Variants in PCDHA9 observed in about 807,000 individuals in gnomAD.
The protein encoded by PCDHA9 is protocadherin alpha-9.
A neutral mutation model predicts 62.0 loss-of-function variants in PCDHA9; 62 were observed. The ratio of observed to expected loss-of-function variants is 1.00; its 90% CI spans 0.81 to 1.23. The LOEUF (loss-of-function observed/expected upper bound fraction) is 1.23. PCDHA9 is among the 50% of genes most tolerant of loss of function. PCDHA9 has a pLI of 0.00. For missense variants in PCDHA9, 1,205 were observed against 1,249.8 expected (o/e 0.96, Z 0.54); for synonymous variants, 557 against 567.6 (o/e 0.98, Z 0.27).
At chr5:140,933,253 A>G (rs958671776) in intron 1 of PCDHA9, among the ~76,000 whole-genome samples, 2 of 152,008 alleles carry the variant, frequency 1.3e-5, no homozygotes, top group Non-Finnish European at 2.9e-5. Context: ...TATAAACACA[A>G]AAGGTTATTA....
intron 3 of PCDHA9, among the ~76,000 whole-genome samples, chr5:140,996,349 A>G (rs2097722990): frequency 6.6e-6 from 1 of 152,184 alleles, no homozygotes; most frequent in African/African-American, 2.4e-5. Flanking sequence ...AACCCAACCA[A>G]AGTCAGAAGC....
intron 1 of PCDHA9, chr5:140,928,354 A>G: frequency 6.2e-7 from 1 of 1,614,150 alleles, no homozygotes; most frequent in Non-Finnish European, 8.5e-7. Flanking sequence ...GTTGGATGTT[A>G]TCTCTGAAGG....
In PCDHA9 at chr5:141,011,694, G is replaced by A. The variant is rs1473857552; in HGVS notation, c.*1757G>A. 1.3e-5 allele frequency: 2 copies of A among 153,662 alleles called. No individual in the cohort carries two copies. Among genetic ancestry groups the A allele is most frequent in the African/African-American group, 4.8e-5 (2 of 41,412 alleles). The allele number at this position is 153,662 out of a possible 1,614,324, so 9.5% of individuals were successfully genotyped here. On this transcript the variant is annotated 3_prime_UTR_variant, in exon 4 of 4. Coordinates refer to ENST00000532602, the MANE Select transcript of PCDHA9 (RefSeq NM_031857.2). The stretch of plus-strand genomic sequence containing the variant: ...CTGTTTTGTTCTAGTAACAATTTTG[G>A]AATGAATACTGACAATATTCCATGA...
At chr5:140,966,892 C>G (rs782364150) in intron 1 of PCDHA9, 4 of 1,595,414 alleles carry the variant, frequency 2.5e-6, no homozygotes, top group South Asian at 1.1e-5. Flanking sequence ...CTGCGGCCTC[C>G]CAGCTGCGAT....
chr5:141,004,346 G>C (rs2098162740), intron 3 of PCDHA9, among the ~76,000 whole-genome samples: 1 of 152,212 alleles, frequency 6.6e-6, no homozygotes, highest in Non-Finnish European at 1.5e-5. Context: ...GTCTGTGAGG[G>C]ACTGGAGAGA....
intron 1 of PCDHA9, chr5:140,882,740 T>A (rs1554175394): frequency 6.2e-7 from 1 of 1,614,198 alleles, no homozygotes; most frequent in African/African-American, 1.3e-5. Flanking sequence ...AGATGGCGCA[T>A]CCGATGCAGA....
intron 1 of PCDHA9, among the ~76,000 whole-genome samples, chr5:140,944,014 C>A (rs1205860914): frequency 1.3e-5 from 2 of 152,022 alleles, no homozygotes; most frequent in African/African-American, 2.4e-5. Context: ...CCCCCAAAAG[C>A]AATTATCTTC....
At chr5:140,906,982 G>A (rs1298159889) in intron 1 of PCDHA9, among the ~76,000 whole-genome samples, 3 of 152,140 alleles carry the variant, frequency 2.0e-5, no homozygotes, top group African/African-American at 7.2e-5. Flanking sequence ...TCTTCTGGTG[G>A]CAGCATTCCT....
intron 1 of PCDHA9, among the ~76,000 whole-genome samples, chr5:140,935,416 A>G (rs35902736): frequency 0.059 from 8,919 of 152,326 alleles, 374 homozygotes; most frequent in Non-Finnish European, 0.083. Context: ...ATGGACTTAG[A>G]AAACAATTTC....
At chr5:140,876,684 C>T (rs973560970) in intron 1 of PCDHA9, 29 of 1,614,110 alleles carry the variant, frequency 1.8e-5, no homozygotes, top group Admixed American at 3.3e-5. Flanking sequence ...ACAAGAATTA[C>T]TACTCGTTGG....
chr5:140,871,145 C>G, intron 1 of PCDHA9: 1 of 1,613,418 alleles, frequency 6.2e-7, no homozygotes, highest in Non-Finnish European at 8.5e-7. Flanking sequence ...TCTTCCCGGA[C>G]TTTGGCGGGC....
chr5:140,869,191 C>CA (rs1554162609), intron 1 of PCDHA9: 1 of 1,613,878 alleles, frequency 6.2e-7, no homozygotes, highest in East Asian at 2.2e-5. Flanking sequence ...GGGGAGCGGC[C>CA]AGCTCCACTA....
chr5:140,889,679 C>A (rs968181758), intron 1 of PCDHA9, among the ~76,000 whole-genome samples: 4 of 152,026 alleles, frequency 2.6e-5, no homozygotes, highest in Admixed American at 6.6e-5. Flanking sequence ...TTATTTTAAA[C>A]CTTTTAGTAT....
chr5:140,853,365 G>C (rs2150531166), intron 1 of PCDHA9: 504,759 of 981,110 alleles, frequency 0.51, 151,971 homozygotes, highest in South Asian at 0.62. Flanking sequence ...CAGGGATCCA[G>C]AGATGGTAAA....
At position 141,007,395 on chromosome 5, in the gene PCDHA9, CAAAA is replaced by C. The variant is rs35800918; in HGVS notation, c.2543-2212_2543-2209del. Among the ~76,000 whole-genome samples the C allele has an allele frequency of 1.2e-3, 116 of 94,838 alleles. No homozygotes were observed. In the Middle Eastern group the frequency reaches 0.016, roughly 13 times the overall value. 62.2% of individuals were successfully genotyped at this position (94,838 alleles called of 152,430 possible). ...ATGGAACACCATCTCTACTAAAATA[CAAAA>C]AAAAAAAAAAAAAAAAAAATTAGCC... is the stretch of plus-strand genomic sequence containing the variant. On this transcript the variant is annotated intron_variant, in intron 3 of 3. Coordinates refer to ENST00000532602, the MANE Select transcript of PCDHA9 (RefSeq NM_031857.2).
chr5:140,850,124 G>C lies in PCDHA9; in HGVS notation c.1629G>C (p.Pro543=), dbSNP rs1321633502. The change falls in exon 1 of 4, where the codon CCG becomes CCC. Residue 543 remains proline, a synonymous_variant. Coordinates refer to ENST00000532602, the MANE Select transcript of PCDHA9 (RefSeq NM_031857.2). The part of the protein sequence containing the change: ...FQVSARDAGV[P]PLGSNVTLQV... ...TGAGCGCGCGCGACGCGGGCGTGCCGCCTCTGGGCAGCAACGTGACGCTGC... is the reference window on the plus strand; with the variant it reads ...TGAGCGCGCGCGACGCGGGCGTGCCCCCTCTGGGCAGCAACGTGACGCTGC... The C allele has an allele frequency of 1.9e-6, 3 of 1,595,828 alleles. 1 individual carries two copies. The highest frequency in any genetic ancestry group is 2.7e-5 in the African/African-American group (2 of 74,384).
intron 1 of PCDHA9, chr5:140,926,630 C>T (rs754707244): frequency 6.0e-5 from 25 of 417,902 alleles, no homozygotes; most frequent in Non-Finnish European, 3.3e-5. Context: ...CGGCGCTGCG[C>T]TCCTCAACAC....
chr5:140,863,224 G>A, intron 1 of PCDHA9: 2 of 1,143,744 alleles, frequency 1.7e-6, no homozygotes, highest in Non-Finnish European at 2.5e-6. Context: ...AGCGAGGAAG[G>A]TCCCATCGCG....
intron 1 of PCDHA9, among the ~76,000 whole-genome samples, chr5:140,941,983 A>G (rs2093212614): frequency 6.6e-6 from 1 of 152,198 alleles, no homozygotes; most frequent in Non-Finnish European, 1.5e-5. Context: ...CTAAACCTTG[A>G]TAAGGGATTC....
Sources: allele counts gnomAD v4.1 joint callset (sites outside exome capture counted in the v4.1 genomes callset), GRCh38; gene constraint gnomAD v4.1.1; transcripts MANE v1.5; gene names NCBI Gene and HGNC (gene_info 2026-07-23, HGNC 2026-07-21).